The following SPPL3 variants were observed in gnomAD, a reference collection of about 807,000 sequenced individuals.
SPPL3 encodes signal peptide peptidase-like 3.
A neutral mutation model predicts 42.4 loss-of-function variants in SPPL3; 5 were observed. That is an observed-to-expected ratio of 0.12 (90% confidence interval 0.06 to 0.25). The LOEUF (loss-of-function observed/expected upper bound fraction) is 0.25. Among genes scored for constraint, SPPL3 ranks in the 10% least tolerant of loss-of-function variants. SPPL3 has a pLI of 1.00. For missense variants in SPPL3, 235 were observed against 489.0 expected, an observed-to-expected ratio of 0.48 and a Z score of 4.90; for synonymous variants, 195 against 181.8, an observed-to-expected ratio of 1.07 and a Z score of -0.58.
At chr12:120,791,165 ACTTTTGCAT>A (rs1869902819) in intron 3 of SPPL3, among the ~76,000 whole-genome samples, 1 of 152,136 alleles carries the variant, frequency 6.6e-6, no homozygotes, top group Non-Finnish European at 1.5e-5. Flanking sequence ...TTTCTCTTGT[ACTTTTGCAT>A]CTTTCAAAAG....
chr12:120,817,365 C>G (rs1483933431), intron 1 of SPPL3, among the ~76,000 whole-genome samples: 2 of 152,162 alleles, frequency 1.3e-5, no homozygotes, highest in African/African-American at 4.8e-5. Flanking sequence ...CAGAAATACT[C>G]TTTCCATCTT....
intron 4 of SPPL3, 135 bp downstream of exon 4, chr12:120,784,339 C>T (rs1869641053): frequency 2.3e-6 from 2 of 874,472 alleles, no homozygotes; most frequent in Admixed American, 3.1e-5. Context: ...GTGGTTGAGA[C>T]GGAGAAGGCG....
intron 10 of SPPL3, among the ~76,000 whole-genome samples, chr12:120,765,882 C>G (rs1868870309): frequency 6.6e-6 from 1 of 152,172 alleles, no homozygotes. Context: ...CAACACTATT[C>G]AATCTTAATT....
chr12:120,866,027 C>A (rs564102923), intron 1 of SPPL3, among the ~76,000 whole-genome samples: 1 of 152,268 alleles, frequency 6.6e-6, no homozygotes, highest in African/African-American at 2.4e-5. Context: ...GATGATCTGT[C>A]ACTGATTCCC....
intron 1 of SPPL3, among the ~76,000 whole-genome samples, chr12:120,817,721 C>T (rs528279126): frequency 1.3e-5 from 2 of 152,270 alleles, no homozygotes; most frequent in African/African-American, 4.8e-5. Context: ...CTGAAGTAGG[C>T]TCACTTTTCA....
chr12:120,841,133 C>A (rs1420107555), intron 1 of SPPL3, among the ~76,000 whole-genome samples: 1 of 152,076 alleles, frequency 6.6e-6, no homozygotes, highest in Non-Finnish European at 1.5e-5. Context: ...CGAGACCAGC[C>A]TGACCAACAT....
intron 1 of SPPL3, among the ~76,000 whole-genome samples, chr12:120,860,443 A>G (rs1463353006): frequency 6.6e-6 from 1 of 152,230 alleles, no homozygotes; most frequent in Non-Finnish European, 1.5e-5. Flanking sequence ...GTAACAGACT[A>G]CAAGAACAAG....
At chr12:120,876,215 A>T (rs958405497) in intron 1 of SPPL3, among the ~76,000 whole-genome samples, 1 of 152,200 alleles carries the variant, frequency 6.6e-6, no homozygotes, top group Non-Finnish European at 1.5e-5. Context: ...AATACAAAGC[A>T]TATTCTCTAA....
At chr12:120,854,606 A>G (rs1230518774) in intron 1 of SPPL3, among the ~76,000 whole-genome samples, 1 of 152,210 alleles carries the variant, frequency 6.6e-6, no homozygotes, top group Non-Finnish European at 1.5e-5. Flanking sequence ...TATTCTGTAT[A>G]TTTTATTAAG....
chr12:120,784,486 T>C lies in SPPL3; in HGVS notation c.298A>G (p.Ile100Val), dbSNP rs773966772. 2.1e-5 allele frequency: 33 copies of C among 1,608,970 alleles called. No homozygotes were observed. Among genetic ancestry groups the C allele is most frequent in the Non-Finnish European group, 2.7e-5 (32 of 1,177,910 alleles). The change falls in exon 4 of 11, where the codon ATA (isoleucine) becomes GTA (valine). Residue 100 changes from isoleucine (I) to valine (V), a missense_variant. Around this residue, in one of 6 missense-constraint regions of SPPL3, gnomAD observed 110 missense variants for 186.2 expected, o/e 0.59. Transcript: ENST00000353487. ...FFDSVQVVFTICTAVLATIAF... is the reference protein window; with the variant it reads ...FFDSVQVVFTVCTAVLATIAF... Reference sequence around the variant, plus strand: ...AACTCATATTTACCTGCTGTACATATTGTAAAAACTACTTGAACTGAGTCA... The same window carrying C: ...AACTCATATTTACCTGCTGTACATACTGTAAAAACTACTTGAACTGAGTCA...
chr12:120,868,510 C>T (rs889872717), intron 1 of SPPL3, among the ~76,000 whole-genome samples: 64 of 152,082 alleles, frequency 4.2e-4, no homozygotes, highest in East Asian at 1.4e-3. Context: ...TATTTTGAGA[C>T]GGATTCTCAC....
chr12:120,870,067 G>A (rs1376344601), intron 1 of SPPL3, among the ~76,000 whole-genome samples: 3 of 152,004 alleles, frequency 2.0e-5, no homozygotes, highest in South Asian at 2.1e-4. Context: ...GATGCAGACC[G>A]TAAAAGAAAC....
At chr12:120,850,867 G>A (rs1424104092) in intron 1 of SPPL3, among the ~76,000 whole-genome samples, 1 of 152,114 alleles carries the variant, frequency 6.6e-6, no homozygotes, top group South Asian at 2.1e-4. Context: ...TGTTTCCATC[G>A]TCAAATCTGC....
intron 4 of SPPL3, among the ~76,000 whole-genome samples, chr12:120,784,019 C>A (rs1317120603): frequency 6.6e-6 from 1 of 152,038 alleles, no homozygotes; most frequent in African/African-American, 2.4e-5. Context: ...AGCATTTTGC[C>A]GATTTTTTTT....
In SPPL3 at chr12:120,762,549, CAA is replaced by C. The variant is rs1868695783; in HGVS notation, c.*2448_*2449del. ...CTGGAATTTAATTTTCTTATGAAAA[CAA>C]AGACAGAAAAATTAAAATGACCCAC... On this transcript the variant is annotated 3_prime_UTR_variant, in exon 11 of 11. Coordinates refer to ENST00000353487, the MANE Select transcript of SPPL3 (RefSeq NM_139015.5). The C allele has an allele frequency of 6.6e-6, 1 of 150,494 alleles. No homozygotes were observed. The highest frequency in any genetic ancestry group is 6.6e-5 in the Admixed American group (1 of 15,136). The allele number at this position is 150,494 out of a possible 1,614,324, so 9.3% of individuals were successfully genotyped here.
chr12:120,832,902 ATAAGAGACTATT>A (rs1311164798), intron 1 of SPPL3, among the ~76,000 whole-genome samples: 1 of 152,210 alleles, frequency 6.6e-6, no homozygotes, highest in Non-Finnish European at 1.5e-5. Context: ...CTTCCAAAGC[ATAAGAGACTATT>A]TTAGGCACCA....
At chr12:120,900,967 C>T (rs1260684966) in intron 1 of SPPL3, among the ~76,000 whole-genome samples, 1 of 149,318 alleles carries the variant, frequency 6.7e-6, no homozygotes, top group African/African-American at 2.5e-5. Flanking sequence ...ATTGTTTGCA[C>T]AAGCCAAGGG....
rs112682190 is a variant in SPPL3 at position 120,846,955 on chromosome 12, TA to T, written c.24-36070del. 8.5e-5 allele frequency among the ~76,000 whole-genome samples: 13 copies of T among 152,306 alleles called. 1 individual carries two copies. The highest frequency in any genetic ancestry group is 2.9e-4 in the African/African-American group (12 of 41,566). On this transcript the variant is annotated intron_variant, in intron 1 of 10. Coordinates refer to ENST00000353487, the MANE Select transcript of SPPL3 (RefSeq NM_139015.5). ...ATATTGTGACAGCAAACTCTGTGGT[TA>T]AGCTTGTGCAGTAATTAAGTAGTAT...
chr12:120,819,918 G>A (rs1871001170), intron 1 of SPPL3, among the ~76,000 whole-genome samples: 1 of 152,162 alleles, frequency 6.6e-6, no homozygotes. Context: ...CGCACCAGAG[G>A]TTTTACCCAC....
Sources: gnomAD v4.1 joint callset for allele counts (sites outside exome capture counted in the v4.1 genomes callset) on GRCh38, gnomAD v4.1.1 for gene constraint, gnomAD v4.1.1 regional missense constraint, MANE v1.5 for transcripts, NCBI Gene and HGNC (gene_info 2026-07-23, HGNC 2026-07-21) for gene names.